Variants in PTPRD observed in about 807,000 individuals in gnomAD.
PTPRD encodes the protein protein tyrosine phosphatase receptor type D.
PTPRD carries 34 observed loss-of-function variants against 214.5 expected under a neutral mutation model. That is an observed-to-expected ratio of 0.16 (90% CI 0.12 to 0.21). The LOEUF (loss-of-function observed/expected upper bound fraction) is 0.21, where lower values mean the gene tolerates loss of function less well. Among genes scored for constraint, PTPRD ranks in the 10% least tolerant of loss-of-function variants. The pLI, the probability that PTPRD is intolerant of heterozygous loss-of-function variation, is 1.00. For synonymous variants in PTPRD, 1,128 were observed against 845.7 expected (o/e 1.33, Z -5.79); for missense variants, 2,545 against 2,398.7 (o/e 1.06, Z -1.27).
At chr9:10,216,525 GCTGT>G (rs1436903314) in intron 3 of PTPRD, among the ~76,000 whole-genome samples, 1 of 151,786 alleles carries the variant, frequency 6.6e-6, no homozygotes, top group Non-Finnish European at 1.5e-5. Flanking sequence ...TTAGACATCT[GCTGT>G]CTATTATTAA....
intron 5 of PTPRD, among the ~76,000 whole-genome samples, chr9:9,794,281 T>C (rs144708561): frequency 2.8e-4 from 43 of 151,942 alleles, no homozygotes; most frequent in African/African-American, 9.9e-4. Context: ...CCATTAATTA[T>C]GCCCATGTTG....
chr9:10,187,910 T>G (rs2154316405), intron 3 of PTPRD, among the ~76,000 whole-genome samples: 1 of 152,340 alleles, frequency 6.6e-6, no homozygotes, highest in African/African-American at 2.4e-5. Flanking sequence ...GTTTGGTCAC[T>G]TTATTCCACT....
intron 2 of PTPRD, among the ~76,000 whole-genome samples, chr9:10,411,912 T>C (rs1027255750): frequency 2.6e-5 from 4 of 151,850 alleles, no homozygotes; most frequent in Admixed American, 1.3e-4. Flanking sequence ...ATATTTATGA[T>C]GGCAATTAAG....
chr9:9,782,796 C>T (rs1471800351), intron 5 of PTPRD, among the ~76,000 whole-genome samples: 1 of 152,126 alleles, frequency 6.6e-6, no homozygotes, highest in Non-Finnish European at 1.5e-5. Flanking sequence ...TTGAAATCAG[C>T]ATGGTATTCT....
At chr9:9,250,709 T>C (rs556077561) in intron 9 of PTPRD, among the ~76,000 whole-genome samples, 102 of 152,100 alleles carry the variant, frequency 6.7e-4, no homozygotes, top group Non-Finnish European at 2.6e-4. Flanking sequence ...GACTCTGCAA[T>C]TGGGGAAATG....
chr9:9,295,958 G>GA (rs1952859978), intron 9 of PTPRD, among the ~76,000 whole-genome samples: 1 of 151,718 alleles, frequency 6.6e-6, no homozygotes, highest in Admixed American at 6.6e-5. Flanking sequence ...TAATTTTCTG[G>GA]AAATTAAATT....
At position 9,178,204 on chromosome 9, in the gene PTPRD, G is replaced by A. The variant is rs1428040847; in HGVS notation, c.-143+5100C>T. ...CTGACTGTGTGTGTGTGTGTCTCAG[G>A]AAAGTAGCCTACAAAGAGATTGAAC... On this transcript the variant is annotated intron_variant, in intron 10 of 45. Transcript: ENST00000381196. Among the ~76,000 whole-genome samples, 7 of 152,030 alleles carry A rather than the reference G, an allele frequency of 4.6e-5. No individual in the cohort carries two copies. The East Asian group carries it at 1.4e-3, about 29-fold the overall frequency.
intron 11 of PTPRD, among the ~76,000 whole-genome samples, chr9:8,768,621 C>T (rs1283149149): frequency 6.6e-6 from 1 of 151,896 alleles, no homozygotes; most frequent in Non-Finnish European, 1.5e-5. Context: ...AAATGACACC[C>T]AGCTAAAAAG....
At chr9:8,514,687 T>G (rs568741168) in intron 21 of PTPRD, among the ~76,000 whole-genome samples, 2 of 152,198 alleles carry the variant, frequency 1.3e-5, no homozygotes, top group Non-Finnish European at 2.9e-5. Context: ...TTTTCATTAT[T>G]GAATACCTAC....
chr9:9,026,042 A>G (rs1231789458), intron 10 of PTPRD, among the ~76,000 whole-genome samples: 1 of 151,978 alleles, frequency 6.6e-6, no homozygotes, highest in Non-Finnish European at 1.5e-5. Context: ...TTTCAGTGAG[A>G]ACTAAGTGCC....
At chr9:9,933,620 T>A (rs2087792541) in intron 5 of PTPRD, among the ~76,000 whole-genome samples, 2 of 150,366 alleles carry the variant, frequency 1.3e-5, no homozygotes, top group South Asian at 2.1e-4. Context: ...CTCCCACACA[T>A]TAATAATGGG....
At chr9:9,613,496 A>T (rs1477186047) in intron 7 of PTPRD, among the ~76,000 whole-genome samples, 1 of 151,972 alleles carries the variant, frequency 6.6e-6, no homozygotes, top group Non-Finnish European at 1.5e-5. Context: ...GAGTTTCTTC[A>T]TGATGTTTAC....
At chr9:9,877,491 G>A (rs1390971315) in intron 5 of PTPRD, among the ~76,000 whole-genome samples, 2 of 152,072 alleles carry the variant, frequency 1.3e-5, no homozygotes, top group African/African-American at 4.8e-5. Flanking sequence ...TGTATGAGGT[G>A]GAGATTCTTT....
chr9:9,968,322 T>C (rs1244243114), intron 4 of PTPRD, among the ~76,000 whole-genome samples: 3 of 152,180 alleles, frequency 2.0e-5, no homozygotes, highest in Non-Finnish European at 4.4e-5. Context: ...CATTCAGTAG[T>C]ACAACCCCTA....
At chr9:8,816,402 A>G in intron 11 of PTPRD, among the ~76,000 whole-genome samples, 1 of 152,196 alleles carries the variant, frequency 6.6e-6, no homozygotes, top group East Asian at 1.9e-4. Context: ...GTTGAGGATA[A>G]TCTATAAACA....
intron 10 of PTPRD, among the ~76,000 whole-genome samples, chr9:9,154,015 G>A (rs2099879096): frequency 6.6e-6 from 1 of 152,064 alleles, no homozygotes; most frequent in African/African-American, 2.4e-5. Flanking sequence ...ACGTATTTTG[G>A]CCAGTGGAAT....
intron 34 of PTPRD, among the ~76,000 whole-genome samples, chr9:8,439,927 G>A (rs1256543188): frequency 3.1e-5 from 3 of 95,564 alleles, no homozygotes; most frequent in Non-Finnish European, 6.6e-5. Context: ...ATTACTTGAT[G>A]TGCTTTAATT....
chr9:9,641,780 C>T (rs1191690750), intron 7 of PTPRD, among the ~76,000 whole-genome samples: 1 of 152,040 alleles, frequency 6.6e-6, no homozygotes, highest in East Asian at 1.9e-4. Context: ...TGTTTGCCAG[C>T]GGGGCTGAAG....
chr9:9,363,725 C>G (rs2057002952), intron 9 of PTPRD, among the ~76,000 whole-genome samples: 1 of 151,258 alleles, frequency 6.6e-6, no homozygotes, highest in Non-Finnish European at 1.5e-5. Flanking sequence ...TCTAGATTCT[C>G]TAAGAGAGCT....
Sources: gnomAD v4.1 joint callset for allele counts (sites outside exome capture counted in the v4.1 genomes callset) on GRCh38, gnomAD v4.1.1 for gene constraint, MANE v1.5 for transcripts, NCBI Gene and HGNC (gene_info 2026-07-23, HGNC 2026-07-21) for gene names.